The following SNX8 variants were observed in gnomAD, a reference collection of about 807,000 sequenced individuals.
The protein encoded by SNX8 is sorting nexin-8.
Under a neutral mutation model 51.6 loss-of-function variants are expected in SNX8, and 25 were observed. The ratio of observed to expected loss-of-function variants is 0.48; its 90% CI spans 0.35 to 0.68. The LOEUF is 0.68. Among genes scored for constraint, SNX8 ranks in the 30% least tolerant of loss-of-function variants. The probability of loss-of-function intolerance (pLI) is 0.00; values close to 1 mark genes in which losing one functional copy is unlikely to be tolerated. For missense variants in SNX8, 695 were observed against 624.0 expected (o/e 1.11, Z -1.21); for synonymous variants, 324 against 277.0 (o/e 1.17, Z -1.68).
At chr7:2,268,446 A>G (rs1795541876) in intron 5 of SNX8, among the ~76,000 whole-genome samples, 1 of 130,366 alleles carries the variant, frequency 7.7e-6, no homozygotes, top group Non-Finnish European at 1.6e-5. Context: ...TCCGGGAGGG[A>G]GGTGGGGGGG....
intron 1 of SNX8, among the ~76,000 whole-genome samples, chr7:2,331,746 A>G (rs1410978446): frequency 6.7e-6 from 1 of 149,732 alleles, no homozygotes; most frequent in East Asian, 2.0e-4. Context: ...ATACCATAGC[A>G]TTAAAAAACA....
At chr7:2,333,253 G>A (rs1665788339) in intron 1 of SNX8, among the ~76,000 whole-genome samples, 1 of 151,952 alleles carries the variant, frequency 6.6e-6, no homozygotes, top group Admixed American at 6.6e-5. Flanking sequence ...AAGATAGTGA[G>A]GCCCCCTCTT....
chr7:2,257,079 A>T (rs941091097), intron 9 of SNX8, 56 bp from the exon 10 acceptor site: 2 of 1,529,360 alleles, frequency 1.3e-6, no homozygotes, highest in South Asian at 1.3e-5. Context: ...GGGAGCACCA[A>T]GGCCCGAACA....
At chr7:2,321,970 G>A (rs1315607558) in intron 1 of SNX8, among the ~76,000 whole-genome samples, 5 of 141,780 alleles carry the variant, frequency 3.5e-5, no homozygotes, top group South Asian at 2.3e-4. Flanking sequence ...GTGATCTGCC[G>A]CCTAAGCCTC....
chr7:2,314,222 C>T (rs1032056806), intron 1 of SNX8, 106 bp downstream of exon 1: 35 of 1,139,550 alleles, frequency 3.1e-5, no homozygotes, highest in Non-Finnish European at 3.5e-5. Flanking sequence ...GGCGCGGGGG[C>T]AGGAAACGAG....
At chr7:2,338,334 T>G (rs1043619520) in intron 1 of SNX8, among the ~76,000 whole-genome samples, 38 of 151,912 alleles carry the variant, frequency 2.5e-4, no homozygotes, top group African/African-American at 8.7e-4. Flanking sequence ...CGGTGGCAGG[T>G]GCCTGTAATC....
At chr7:2,327,800 C>G (rs1181740586) in intron 1 of SNX8, among the ~76,000 whole-genome samples, 1 of 152,222 alleles carries the variant, frequency 6.6e-6, no homozygotes, top group Non-Finnish European at 1.5e-5. Flanking sequence ...CCTTGGCCTC[C>G]CAAAGTGCTG....
chr7:2,254,835 G>C lies in SNX8; in HGVS notation c.*221C>G. The C allele has an allele frequency of 1.7e-6, 1 of 581,874 alleles. No individual in the cohort carries two copies. The highest frequency in any genetic ancestry group is 3.1e-6 in the Non-Finnish European group (1 of 325,486). 36.0% of individuals were successfully genotyped at this position (581,874 alleles called of 1,614,324 possible). A position where few individuals can be genotyped will look rare whatever the true frequency, so the allele number is the denominator to read the frequency against. On this transcript the variant is annotated 3_prime_UTR_variant, in exon 11 of 11. Coordinates refer to ENST00000222990, the MANE Select transcript of SNX8 (RefSeq NM_013321.4). ...TCCAGAGAACCCCACCACCTCTCTC[G>C]ACCAGGCTAGCAGGCCACAGGGCGA...
At chr7:2,319,480 G>C (rs1796801346) in intron 1 of SNX8, among the ~76,000 whole-genome samples, 1 of 150,136 alleles carries the variant, frequency 6.7e-6, no homozygotes, top group Non-Finnish European at 1.5e-5. Context: ...GCCAACCATG[G>C]CCAACATGGT....
chr7:2,273,043 A>G (rs986596939), intron 3 of SNX8, among the ~76,000 whole-genome samples: 1 of 151,934 alleles, frequency 6.6e-6, no homozygotes, highest in Non-Finnish European at 1.5e-5. Context: ...CATGTTGGTC[A>G]TGCTGGTCTC....
chr7:2,286,940 A>C (rs913518006), intron 1 of SNX8, among the ~76,000 whole-genome samples: 1 of 151,440 alleles, frequency 6.6e-6, no homozygotes, highest in Non-Finnish European at 1.5e-5. Flanking sequence ...GGAGTTCAAG[A>C]CCAGCCTGGC....
chr7:2,256,718 C>T (rs1228813148), intron 10 of SNX8, among the ~76,000 whole-genome samples, 156 bp downstream of exon 10: 2 of 152,248 alleles, frequency 1.3e-5, no homozygotes, highest in African/African-American at 2.4e-5. Context: ...ACTAGAAGAT[C>T]CGGGCGAGCA....
intron 1 of SNX8, among the ~76,000 whole-genome samples, chr7:2,344,825 T>C (rs7791306): frequency 0.52 from 79,082 of 151,902 alleles, 20,714 homozygotes; most frequent in East Asian, 0.65. Flanking sequence ...TTTGGGAGGC[T>C]GAGGCAGGCG....
chr7:2,351,909 T>TG (rs1779150527), intron 1 of SNX8, among the ~76,000 whole-genome samples: 1 of 103,342 alleles, frequency 9.7e-6, no homozygotes. Flanking sequence ...TTGTTGGTTT[T>TG]TTTTTTTTTT....
intron 1 of SNX8, among the ~76,000 whole-genome samples, chr7:2,326,158 G>T (rs1254723775): frequency 6.6e-6 from 1 of 150,976 alleles, no homozygotes; most frequent in Non-Finnish European, 1.5e-5. Flanking sequence ...GAATTCAGGA[G>T]TTCAAGACCA....
intron 1 of SNX8, among the ~76,000 whole-genome samples, chr7:2,302,201 T>TG (rs961369507): frequency 1.0e-3 from 153 of 152,354 alleles, no homozygotes; most frequent in African/African-American, 3.6e-3. Flanking sequence ...GCAACCTCCC[T>TG]GCCTGATTCT....
upstream of SNX8, among the ~76,000 whole-genome samples, chr7:2,316,593 CCACT>C (rs60089170): frequency 3.1e-5 from 4 of 130,216 alleles, no homozygotes; most frequent in South Asian, 2.5e-4. Context: ...ATTCATTCAC[CCACT>C]CACTCACGCA....
intron 1 of SNX8, among the ~76,000 whole-genome samples, chr7:2,322,720 A>G (rs1423863228): frequency 2.7e-5 from 4 of 150,476 alleles, no homozygotes; most frequent in Admixed American, 6.7e-5. Flanking sequence ...AGAATAAAAT[A>G]AAATAAATGC....
intron 1 of SNX8, among the ~76,000 whole-genome samples, chr7:2,324,930 T>C (rs1224929935): frequency 6.8e-6 from 1 of 147,890 alleles, no homozygotes; most frequent in African/African-American, 2.7e-5. Flanking sequence ...CTCAGCCTGC[T>C]GCGTAGCTGG....
Sources: gnomAD v4.1 joint callset for allele counts (sites outside exome capture counted in the v4.1 genomes callset) on GRCh38, gnomAD v4.1.1 for gene constraint, MANE v1.5 for transcripts, NCBI Gene and HGNC (gene_info 2026-07-23, HGNC 2026-07-21) for gene names.